The following CSMD3 variants were observed in gnomAD, a reference collection of about 807,000 sequenced individuals.
The protein encoded by CSMD3 is CUB and sushi domain-containing protein 3.
Under a neutral mutation model 435.2 loss-of-function variants are expected in CSMD3, and 177 were observed. The ratio of observed to expected loss-of-function variants is 0.41; its 90% confidence interval spans 0.36 to 0.46. The LOEUF (loss-of-function observed/expected upper bound fraction) is 0.46. Ranked by LOEUF, CSMD3 falls within the 20% of genes least tolerant of loss-of-function variation. The pLI, the probability that CSMD3 is intolerant of heterozygous loss-of-function variation, is 0.34. For synonymous variants in CSMD3, 1,656 were observed against 1,520.5 expected, an observed-to-expected ratio of 1.09 and a Z score of -2.07; for missense variants, 4,265 against 4,504.6, an observed-to-expected ratio of 0.95 and a Z score of 1.52.
chr8:113,431,035 G>A (rs1327962063), intron 1 of CSMD3, among the ~76,000 whole-genome samples: 2 of 152,132 alleles, frequency 1.3e-5, no homozygotes, highest in African/African-American at 4.8e-5. Context: ...ATTTTTCTCT[G>A]TGATACTTTT....
chr8:112,246,637 GATA>G lies in CSMD3; in HGVS notation c.10222+380_10222+382del, dbSNP rs1305216256. On this transcript the variant is annotated intron_variant, in intron 64 of 70. Transcript: ENST00000297405. ...TGTTGTTAGTTTCCCCAGATTCTCAGATAATATTTTCACAAGCGATTTTTAAAA... is the reference window on the plus strand; with the variant it reads ...TGTTGTTAGTTTCCCCAGATTCTCAGATATTTTCACAAGCGATTTTTAAAA... Among the ~76,000 whole-genome samples the G allele has an allele frequency of 5.9e-5, 9 of 152,158 alleles. No homozygotes were observed. In the East Asian group the frequency reaches 1.4e-3, roughly 23 times the overall value.
Position 112,383,636 on chromosome 8 carries a change from G to T in CSMD3, c.5962C>A (p.His1988Asn). The T allele has an allele frequency of 6.2e-7, 1 of 1,607,952 alleles. No individual in the cohort carries two copies. Among genetic ancestry groups the T allele is most frequent in the African/African-American group, 1.3e-5 (1 of 74,846 alleles). The change falls in exon 37 of 71, where the codon CAT becomes AAT. Residue 1988 changes from histidine to asparagine, a missense_variant. Transcript: ENST00000297405. ...QVQVVSFATEHNWDSLDFYDG... is the reference protein window; with the variant it reads ...QVQVVSFATENNWDSLDFYDG... ...TAAAAGTCCAGAGAATCCCAATTAT[G>T]TTCTGTAGCAAAGCTAACAACTTGC...
At chr8:112,636,436 T>G (rs2074658806) in intron 22 of CSMD3, among the ~76,000 whole-genome samples, 1 of 152,088 alleles carries the variant, frequency 6.6e-6, no homozygotes, top group Admixed American at 6.6e-5. Flanking sequence ...AATACAAGAA[T>G]TCTATTTTCT....
chr8:113,316,108 T>G (rs1015097421), intron 1 of CSMD3, among the ~76,000 whole-genome samples: 2 of 152,206 alleles, frequency 1.3e-5, no homozygotes, highest in African/African-American at 4.8e-5. Flanking sequence ...CCAGTCTTTA[T>G]GTAGGCTACA....
At chr8:112,757,925 A>G (rs2077739298) in intron 13 of CSMD3, among the ~76,000 whole-genome samples, 1 of 152,060 alleles carries the variant, frequency 6.6e-6, no homozygotes, top group Non-Finnish European at 1.5e-5. Context: ...GCATGATGGC[A>G]CACATTTGTG....
intron 10 of CSMD3, among the ~76,000 whole-genome samples, chr8:112,915,941 A>C (rs1174431406): frequency 6.6e-6 from 1 of 151,882 alleles, no homozygotes; most frequent in African/African-American, 2.4e-5. Context: ...ATACAGAAGC[A>C]GTCAATATAC....
intron 5 of CSMD3, among the ~76,000 whole-genome samples, chr8:113,048,683 T>C (rs1301389886): frequency 1.3e-5 from 2 of 152,190 alleles, no homozygotes; most frequent in Non-Finnish European, 1.5e-5. Context: ...GGTAGGCTCA[T>C]TGGACCTACA....
At chr8:113,297,629 A>G (rs1235757322) in intron 2 of CSMD3, among the ~76,000 whole-genome samples, 1 of 152,100 alleles carries the variant, frequency 6.6e-6, no homozygotes. Flanking sequence ...TTTATATCAT[A>G]ATAGTATTAT....
chr8:113,252,561 A>G (rs2093344188), intron 3 of CSMD3, among the ~76,000 whole-genome samples: 1 of 152,136 alleles, frequency 6.6e-6, no homozygotes, highest in Admixed American at 6.5e-5. Flanking sequence ...GACTCCATAG[A>G]GCAAAGTGAG....
intron 12 of CSMD3, among the ~76,000 whole-genome samples, chr8:112,808,979 G>A (rs1563981754): frequency 6.6e-6 from 1 of 152,082 alleles, no homozygotes; most frequent in Admixed American, 6.6e-5. Context: ...CATTTGCTGA[G>A]ATTAGGCAAT....
intron 13 of CSMD3, among the ~76,000 whole-genome samples, chr8:112,786,956 TC>T (rs2078558871): frequency 6.6e-6 from 1 of 152,114 alleles, no homozygotes; most frequent in Non-Finnish European, 1.5e-5. Flanking sequence ...GTTGTTCAAC[TC>T]CCACTTATGA....
intron 12 of CSMD3, among the ~76,000 whole-genome samples, chr8:112,812,222 T>C (rs893643921): frequency 1.3e-5 from 2 of 151,994 alleles, no homozygotes; most frequent in Non-Finnish European, 2.9e-5. Context: ...GTTGGGTGAG[T>C]GGGCTTAAAC....
chr8:112,954,161 A>G (rs1026923630), intron 8 of CSMD3, among the ~76,000 whole-genome samples: 1 of 151,508 alleles, frequency 6.6e-6, no homozygotes. Context: ...AAAGATTTTC[A>G]AGAAGTGAAT....
In CSMD3 at chr8:112,335,409, A is replaced by C. The variant is rs2130947950; in HGVS notation, c.7085T>G (p.Val2362Gly). ...QFSGNTALES[V>G]YSTSNQILIK... ...TAGAATCTGATTTGAAGTACTGTAG[A>C]CTGATTCCAAAGCGGTATTGCCACT... The change falls in exon 45 of 71, where the codon GTC becomes GGC. Residue 2362 changes from valine (V) to glycine (G), a missense_variant. Val to Gly is a moderately radical substitution (Grantham distance 109, BLOSUM62 -3). Transcript: ENST00000297405. 4 of 1,613,946 alleles carry C rather than the reference A, an allele frequency of 2.5e-6. No individual in the cohort carries two copies. The highest frequency in any genetic ancestry group is 3.4e-6 in the Non-Finnish European group (4 of 1,179,850).
chr8:112,962,879 A>T (rs960643653), intron 7 of CSMD3, among the ~76,000 whole-genome samples: 7 of 151,928 alleles, frequency 4.6e-5, no homozygotes, highest in African/African-American at 1.7e-4. Context: ...AAATTGTGAC[A>T]TTGCATTAGA....
intron 41 of CSMD3, among the ~76,000 whole-genome samples, chr8:112,343,663 T>C (rs1191654693): frequency 1.3e-5 from 2 of 152,104 alleles, no homozygotes; most frequent in Non-Finnish European, 2.9e-5. Flanking sequence ...CATTTAATCA[T>C]TTATTTATTT....
At chr8:113,240,102 G>A (rs1261682108) in intron 3 of CSMD3, among the ~76,000 whole-genome samples, 1 of 152,074 alleles carries the variant, frequency 6.6e-6, no homozygotes, top group Admixed American at 6.6e-5. Context: ...AGAACATGCA[G>A]TATTTGTTTT....
At chr8:112,918,670 T>C (rs1587668377) in intron 10 of CSMD3, among the ~76,000 whole-genome samples, 2 of 151,912 alleles carry the variant, frequency 1.3e-5, no homozygotes, top group African/African-American at 2.4e-5. Context: ...TGGCAAATAC[T>C]TTGTATACAT....
intron 3 of CSMD3, among the ~76,000 whole-genome samples, chr8:113,277,925 G>T (rs573885295): frequency 4.6e-5 from 7 of 151,902 alleles, no homozygotes; most frequent in African/African-American, 1.4e-4. Flanking sequence ...AACACTCTGA[G>T]TAGAGCCTGG....
Sources: allele counts gnomAD v4.1 joint callset (sites outside exome capture counted in the v4.1 genomes callset), GRCh38; gene constraint gnomAD v4.1.1; transcripts MANE v1.5; gene names NCBI Gene and HGNC (gene_info 2026-07-23, HGNC 2026-07-21).